Variants in TPST2 observed in about 807,000 individuals in gnomAD.
TPST2 encodes the protein tyrosylprotein sulfotransferase 2, also known as protein-tyrosine sulfotransferase 2.
Under a neutral mutation model 27.8 loss-of-function variants are expected in TPST2, and 16 were observed. The observed-to-expected ratio is 0.58, with a 90% CI of 0.39 to 0.88. The LOEUF (loss-of-function observed/expected upper bound fraction) is 0.88. TPST2 is among the 40% of genes least tolerant of loss of function. The pLI, the probability that TPST2 is intolerant of heterozygous loss-of-function variation, is 0.00. For synonymous variants in TPST2, 229 were observed against 231.7 expected (o/e 0.99, Z 0.10); for missense variants, 464 against 543.1 (o/e 0.85, Z 1.45).
chr22:26,560,968 C>T, intron 1 of TPST2: 2 of 1,610,048 alleles, frequency 1.2e-6, no homozygotes, highest in Admixed American at 3.3e-5. Flanking sequence ...GAAAAGAAGG[C>T]TGCGAAGCTG....
chr22:26,577,052 C>T (rs1368127943), intron 1 of TPST2, among the ~76,000 whole-genome samples: 3 of 148,554 alleles, frequency 2.0e-5, no homozygotes, highest in Non-Finnish European at 3.0e-5. Context: ...GCTGAGATTG[C>T]GCCACTGCAC....
At chr22:26,586,415 A>G (rs1235696631) in intron 1 of TPST2, among the ~76,000 whole-genome samples, 1 of 151,958 alleles carries the variant, frequency 6.6e-6, no homozygotes, top group Non-Finnish European at 1.5e-5. Flanking sequence ...ACGCCTGGCT[A>G]ATTTTTGTAT....
intron 1 of TPST2, among the ~76,000 whole-genome samples, chr22:26,586,598 A>C (rs1046657314): frequency 6.6e-6 from 1 of 152,212 alleles, no homozygotes; most frequent in African/African-American, 2.4e-5. Context: ...AAGGACAAGG[A>C]AAGGCAAGTA....
intron 1 of TPST2, among the ~76,000 whole-genome samples, chr22:26,588,401 G>A (rs750143090): frequency 2.0e-5 from 3 of 152,120 alleles, no homozygotes; most frequent in Non-Finnish European, 4.4e-5. Flanking sequence ...AAAGGATTGG[G>A]GAGTGACCAT....
intron 5 of TPST2, among the ~76,000 whole-genome samples, chr22:26,531,996 T>G (rs1360573531): frequency 3.3e-5 from 5 of 152,162 alleles, no homozygotes; most frequent in African/African-American, 1.2e-4. Flanking sequence ...TAGCCGGGCA[T>G]GATGGTGTGT....
chr22:26,524,990 AC>A lies in TPST2; in HGVS notation c.*1284del, dbSNP rs1057045855. On this transcript the variant is annotated 3_prime_UTR_variant, in exon 7 of 7. Transcript: ENST00000338754. Reference sequence around the variant, plus strand: ...CCTTGGGCCATGCTGTATCATTTTGACCTCTGGAGCAGCTGGTGATTAAGTA... The same window carrying A: ...CCTTGGGCCATGCTGTATCATTTTGACTCTGGAGCAGCTGGTGATTAAGTA... The A allele has an allele frequency of 6.6e-6, 1 of 152,078 alleles. No individual in the cohort carries two copies. Among genetic ancestry groups the A allele is most frequent in the African/African-American group, 2.4e-5 (1 of 41,410 alleles). 9.4% of individuals were successfully genotyped at this position (152,078 alleles called of 1,614,324 possible).
intron 3 of TPST2, among the ~76,000 whole-genome samples, chr22:26,537,962 T>C (rs895110996): frequency 1.3e-5 from 2 of 152,218 alleles, no homozygotes; most frequent in Non-Finnish European, 2.9e-5. Context: ...ACATTTAGGT[T>C]GTTTCCAACT....
At chr22:26,570,104 T>A (rs776683400) in intron 1 of TPST2, among the ~76,000 whole-genome samples, 35 of 148,184 alleles carry the variant, frequency 2.4e-4, no homozygotes, top group Non-Finnish European at 4.4e-4. Context: ...GAGAAAAAAA[T>A]TAATTAATCA....
intron 1 of TPST2, among the ~76,000 whole-genome samples, chr22:26,578,865 T>G (rs1388059105): frequency 6.6e-6 from 1 of 151,558 alleles, no homozygotes; most frequent in Non-Finnish European, 1.5e-5. Flanking sequence ...TTTTTTTTTT[T>G]TTTTGAGACG....
At chr22:26,546,292 A>G (rs1415055264) in intron 1 of TPST2, among the ~76,000 whole-genome samples, 2 of 152,310 alleles carry the variant, frequency 1.3e-5, no homozygotes, top group African/African-American at 2.4e-5. Flanking sequence ...AACCACAGCA[A>G]CTAGACCCCC....
In TPST2 at chr22:26,541,714, C is replaced by G. The variant is rs1330504790; in HGVS notation, c.-84G>C. The G allele has an allele frequency of 1.4e-6, 2 of 1,468,472 alleles. No individual in the cohort carries two copies. Among genetic ancestry groups the G allele is most frequent in the African/African-American group, 2.8e-5 (2 of 70,836 alleles). The allele number at this position is 1,468,472 out of a possible 1,614,324, so 91.0% of individuals were successfully genotyped here. ...AGGTTAGCGGGCAGCCCGCCAGGCT[C>G]ACATCTGGGGAGAGAGGGGGACATG... is the stretch of plus-strand genomic sequence containing the variant. On this transcript the variant is annotated 5_prime_UTR_variant, in exon 3 of 7. An upstream open reading frame in the 5' UTR loses its in-frame stop. Transcript: ENST00000338754. This position sits in a 1 kb window ranked among gnomAD's most constrained non-coding sequence, Gnocchi z 5.9.
intron 3 of TPST2, among the ~76,000 whole-genome samples, chr22:26,538,923 T>C (rs1925639245): frequency 6.6e-6 from 1 of 152,120 alleles, no homozygotes; most frequent in Admixed American, 6.5e-5. Flanking sequence ...AGGAGTATGT[T>C]TCGTTGGACT....
At chr22:26,549,407 C>CATTGA (rs1926320942) in intron 1 of TPST2, among the ~76,000 whole-genome samples, 1 of 152,136 alleles carries the variant, frequency 6.6e-6, no homozygotes, top group Non-Finnish European at 1.5e-5. Context: ...GCCTGTAATC[C>CATTGA]CGGCACTTTG....
At chr22:26,563,953 G>A (rs543817344) in intron 1 of TPST2, among the ~76,000 whole-genome samples, 1 of 152,282 alleles carries the variant, frequency 6.6e-6, no homozygotes, top group East Asian at 1.9e-4. Flanking sequence ...TAGGGGGTCG[G>A]CGGGCTCAGG....
chr22:26,573,028 G>A (rs1927691490), intron 1 of TPST2, among the ~76,000 whole-genome samples: 1 of 152,096 alleles, frequency 6.6e-6, no homozygotes, highest in South Asian at 2.1e-4. Context: ...TGTGAATCGG[G>A]AGAGCAGCTA....
chr22:26,586,799 A>G (rs549190073), intron 1 of TPST2, among the ~76,000 whole-genome samples: 2 of 152,244 alleles, frequency 1.3e-5, no homozygotes, highest in South Asian at 4.1e-4. Context: ...CTACCTTCTC[A>G]AGGAACTCTT....
At chr22:26,575,860 G>A (rs1158843899) in intron 1 of TPST2, among the ~76,000 whole-genome samples, 1 of 152,092 alleles carries the variant, frequency 6.6e-6, no homozygotes, top group African/African-American at 2.4e-5. Context: ...GCCGGGCCTG[G>A]TGATGTGTGC....
rs1928501736 is a variant in TPST2, at chr22:26,590,094, T to TCCCGGCTCTCCAGCCGCC, written c.-220_-203dup. The stretch of plus-strand genomic sequence containing the variant: ...GAGGCAGCCCCACGCACCCAGCGAC[T>TCCCGGCTCTCCAGCCGCC]CCCGGCTCTCCAGCCGCCCCAGCCG... On this transcript the variant is annotated 5_prime_UTR_variant, in exon 1 of 7. Coordinates refer to ENST00000338754, the MANE Select transcript of TPST2 (RefSeq NM_003595.5). The TCCCGGCTCTCCAGCCGCC allele has an allele frequency of 6.6e-6, 1 of 151,648 alleles. No homozygotes were observed. Among genetic ancestry groups the TCCCGGCTCTCCAGCCGCC allele is most frequent in the Admixed American group, 6.6e-5 (1 of 15,238 alleles). The allele number at this position is 151,648 out of a possible 1,614,324, so 9.4% of individuals were successfully genotyped here.
rs535771796 is a variant in TPST2, at chr22:26,567,295, G to A, written c.-160-22620C>T. On this transcript the variant is annotated intron_variant, in intron 1 of 6. Transcript: ENST00000338754. ...CTGCTGGGATCCCACAGCCCCCTGCGCTCACCACTGGTGCAGTCCCCTCCA... is the reference window on the plus strand; with the variant it reads ...CTGCTGGGATCCCACAGCCCCCTGCACTCACCACTGGTGCAGTCCCCTCCA... Among the ~76,000 whole-genome samples, 32 of 152,290 alleles carry A rather than the reference G, an allele frequency of 2.1e-4. No homozygotes were observed. In the South Asian group the frequency reaches 2.9e-3, roughly 14 times the overall value.
Sources: gnomAD v4.1 joint callset for allele counts (sites outside exome capture counted in the v4.1 genomes callset) on GRCh38, gnomAD v4.1.1 for gene constraint, Gnocchi (gnomAD v3.1) non-coding constraint, MANE v1.5 for transcripts, NCBI Gene and HGNC (gene_info 2026-07-23, HGNC 2026-07-21) for gene names.